The following BNC2 variants were observed in gnomAD, a reference collection of about 807,000 sequenced individuals.
The protein encoded by BNC2 is basonuclin zinc finger protein 2.
A neutral mutation model predicts 76.3 loss-of-function variants in BNC2; 20 were observed. The ratio of observed to expected loss-of-function variants is 0.26; its 90% confidence interval spans 0.18 to 0.38. BNC2 has a LOEUF of 0.38. Ranked by LOEUF, BNC2 falls within the 10% of genes least tolerant of loss-of-function variation. The pLI is 1.00. For synonymous variants in BNC2, 582 were observed against 514.8 expected (o/e 1.13, Z -1.77); for missense variants, 1,382 against 1,399.8 (o/e 0.99, Z 0.20).
intron 1 of BNC2, among the ~76,000 whole-genome samples, chr9:16,791,075 C>G (rs1296874758): frequency 6.7e-6 from 1 of 148,738 alleles, no homozygotes; most frequent in African/African-American, 2.5e-5. Context: ...TTTTTTTTTT[C>G]TTTTGAGATG....
intron 3 of BNC2, among the ~76,000 whole-genome samples, chr9:16,635,818 TTTC>T (rs1159962692): frequency 6.6e-6 from 1 of 151,990 alleles, no homozygotes; most frequent in Non-Finnish European, 1.5e-5. Context: ...AAAGTAAAGG[TTTC>T]TTCAACACAG....
At chr9:16,505,583 A>C (rs959319828) in intron 5 of BNC2, among the ~76,000 whole-genome samples, 5 of 152,184 alleles carry the variant, frequency 3.3e-5, no homozygotes, top group Non-Finnish European at 7.3e-5. Flanking sequence ...TTAAAGAGAG[A>C]AGATTTTAAG....
At chr9:16,716,235 A>T (rs1461677802) in intron 3 of BNC2, among the ~76,000 whole-genome samples, 1 of 152,196 alleles carries the variant, frequency 6.6e-6, no homozygotes, top group East Asian at 1.9e-4. Context: ...TTCAAGGTAT[A>T]TTTTAAAAGT....
chr9:16,648,691 A>G (rs1821706681), intron 3 of BNC2, among the ~76,000 whole-genome samples: 1 of 152,222 alleles, frequency 6.6e-6, no homozygotes, highest in South Asian at 2.1e-4. Flanking sequence ...TGTCACCTGC[A>G]AACCACAAAC....
chr9:16,667,137 A>G (rs989512248), intron 3 of BNC2, among the ~76,000 whole-genome samples: 1 of 151,984 alleles, frequency 6.6e-6, no homozygotes, highest in Non-Finnish European at 1.5e-5. Flanking sequence ...CGATGTTATA[A>G]AAGTACTGTC....
chr9:16,767,398 C>T (rs1825726275), intron 1 of BNC2, among the ~76,000 whole-genome samples: 1 of 152,166 alleles, frequency 6.6e-6, no homozygotes. Context: ...ATGTGAAAGG[C>T]CCCTAAGGGC....
At chr9:16,830,123 T>C (rs1454845235) in intron 1 of BNC2, among the ~76,000 whole-genome samples, 1 of 152,246 alleles carries the variant, frequency 6.6e-6, no homozygotes, top group Non-Finnish European at 1.5e-5. Context: ...ACATATTCCA[T>C]ATTTTCTTTC....
intron 4 of BNC2, among the ~76,000 whole-genome samples, chr9:16,581,000 GT>G (rs1174336486): frequency 2.6e-5 from 4 of 152,100 alleles, no homozygotes; most frequent in African/African-American, 9.7e-5. Context: ...TATTCATATG[GT>G]TCTGATGAGT....
At chr9:16,773,449 CGTTCT>C (rs1825880848) in intron 1 of BNC2, among the ~76,000 whole-genome samples, 1 of 150,240 alleles carries the variant, frequency 6.7e-6, no homozygotes, top group Non-Finnish European at 1.5e-5. Flanking sequence ...AAGGTTTTCT[CGTTCT>C]GTTGAGATTT....
chr9:16,757,208 G>A lies in BNC2; in HGVS notation c.4-18723C>T, dbSNP rs1825411473. Among the ~76,000 whole-genome samples, 4 of 152,286 alleles carry A rather than the reference G, an allele frequency of 2.6e-5. No homozygotes were observed. The South Asian group carries it at 8.3e-4, about 32-fold the overall frequency. ...TTCCAACATACTAGCCATGAAAGTAGACAAGCAGCTTAAAAGCTATTTAAA... is the reference window on the plus strand; with the variant it reads ...TTCCAACATACTAGCCATGAAAGTAAACAAGCAGCTTAAAAGCTATTTAAA... On this transcript the variant is annotated intron_variant, in intron 1 of 6. Coordinates refer to ENST00000380672, the MANE Select transcript of BNC2 (RefSeq NM_017637.6).
chr9:16,700,624 C>T (rs1476264557), intron 3 of BNC2, among the ~76,000 whole-genome samples: 2 of 152,008 alleles, frequency 1.3e-5, no homozygotes, highest in Non-Finnish European at 1.5e-5. Flanking sequence ...ATTTTTTTTG[C>T]GGTGGTATTT....
At chr9:16,798,668 C>A (rs1473471453) in intron 1 of BNC2, among the ~76,000 whole-genome samples, 3 of 152,210 alleles carry the variant, frequency 2.0e-5, no homozygotes, top group Admixed American at 6.5e-5. Flanking sequence ...AGACAGCAGG[C>A]AGGTAAATTT....
intron 1 of BNC2, among the ~76,000 whole-genome samples, chr9:16,762,224 C>G (rs1825571984): frequency 6.6e-6 from 1 of 152,130 alleles, no homozygotes; most frequent in Admixed American, 6.5e-5. Flanking sequence ...ACCTCACCTT[C>G]TGGAATTTTT....
At chr9:16,551,547 G>A (rs1319328723) in intron 5 of BNC2, among the ~76,000 whole-genome samples, 2 of 152,202 alleles carry the variant, frequency 1.3e-5, no homozygotes, top group African/African-American at 4.8e-5. Context: ...TGTTTTTGAA[G>A]GGGTCATGTC....
At chr9:16,707,359 G>C (rs1188569447) in intron 3 of BNC2, among the ~76,000 whole-genome samples, 6 of 152,292 alleles carry the variant, frequency 3.9e-5, no homozygotes, top group East Asian at 1.9e-4. Flanking sequence ...GTGATGCCGT[G>C]AGATTAAAAT....
chr9:16,534,838 T>C (rs922417832), intron 5 of BNC2, among the ~76,000 whole-genome samples: 3 of 152,194 alleles, frequency 2.0e-5, no homozygotes, highest in African/African-American at 7.2e-5. Context: ...AAAACTTTTA[T>C]ACTTTGGCTC....
At chr9:16,484,906 A>G (rs576670861) in intron 5 of BNC2, among the ~76,000 whole-genome samples, 54 of 152,354 alleles carry the variant, frequency 3.5e-4, no homozygotes, top group African/African-American at 1.0e-3. Context: ...ATTGTTTTAC[A>G]CATCCATATG....
chr9:16,662,018 A>C (rs12002636), intron 3 of BNC2, among the ~76,000 whole-genome samples: 7,530 of 152,284 alleles, frequency 0.049, 682 homozygotes, highest in African/African-American at 0.17. Context: ...AACAGCTGCC[A>C]ACATGTTTCC....
At chr9:16,630,103 G>A (rs1344369683) in intron 3 of BNC2, among the ~76,000 whole-genome samples, 1 of 152,226 alleles carries the variant, frequency 6.6e-6, no homozygotes, top group Non-Finnish European at 1.5e-5. Context: ...GTGCAGTAAA[G>A]CCAAGTGCAA....
Sources: allele counts gnomAD v4.1 joint callset (sites outside exome capture counted in the v4.1 genomes callset), GRCh38; gene constraint gnomAD v4.1.1; transcripts MANE v1.5; gene names NCBI Gene and HGNC (gene_info 2026-07-23, HGNC 2026-07-21).